The following MROH9 variants were observed in gnomAD, a reference collection of about 807,000 sequenced individuals.
MROH9 encodes maestro heat like repeat family member 9.
A neutral mutation model predicts 98.2 loss-of-function variants in MROH9; 92 were observed. The observed-to-expected ratio is 0.94, with a 90% CI of 0.79 to 1.11. The LOEUF (loss-of-function observed/expected upper bound fraction) is 1.11, where lower values mean the gene tolerates loss of function less well. Ranked by LOEUF, MROH9 falls within the 50% of genes most tolerant of loss-of-function variation. MROH9 has a pLI of 0.00. For missense variants in MROH9, 1,057 were observed against 1,014.8 expected (o/e 1.04, Z -0.57); for synonymous variants, 397 against 368.9 (o/e 1.08, Z -0.87).
At chr1:170,976,931 A>C (rs948810512) in intron 8 of MROH9, among the ~76,000 whole-genome samples, 1 of 151,974 alleles carries the variant, frequency 6.6e-6, no homozygotes, top group Non-Finnish European at 1.5e-5. Flanking sequence ...TCTTTCCTTT[A>C]CATTCTGGTT....
At chr1:170,972,640 C>A (rs1462424337) in intron 8 of MROH9, among the ~76,000 whole-genome samples, 1 of 146,166 alleles carries the variant, frequency 6.8e-6, no homozygotes, top group Admixed American at 6.6e-5. Context: ...GAAACCCCCT[C>A]TCTACTAAAA....
At chr1:171,023,461 A>C (rs16863949) in intron 17 of MROH9, among the ~76,000 whole-genome samples, 14,087 of 152,140 alleles carry the variant, frequency 0.093, 772 homozygotes, top group Middle Eastern at 0.17. Flanking sequence ...AATTATCTTC[A>C]AGTTATACAT....
At chr1:171,004,247 C>A (rs28876968) in intron 15 of MROH9, among the ~76,000 whole-genome samples, 21,180 of 152,150 alleles carry the variant, frequency 0.14, 1,650 homozygotes, top group African/African-American at 0.21. Context: ...CATGCCCTCC[C>A]CCGAGTTCTG....
intron 20 of MROH9, among the ~76,000 whole-genome samples, chr1:171,026,481 C>T (rs958803609): frequency 1.3e-5 from 2 of 150,334 alleles, no homozygotes; most frequent in African/African-American, 4.9e-5. Context: ...ACTATGTTTG[C>T]CAGGCTGGTC....
chr1:170,992,108 C>A, intron 11 of MROH9, 56 bp from the exon 12 acceptor site: 1 of 1,485,294 alleles, frequency 6.7e-7, no homozygotes, highest in South Asian at 1.4e-5. Context: ...GTTATTCTAT[C>A]AAGTAGGACA....
Position 170,986,719 on chromosome 1 carries a change from C to G in MROH9, c.879+9C>G. The G allele has an allele frequency of 6.2e-7, 1 of 1,612,542 alleles. No homozygotes were observed. The highest frequency in any genetic ancestry group is 8.5e-7 in the Non-Finnish European group (1 of 1,179,176). ...CCGAGAAGGTCACCATGGTAAGATA[C>G]TTGACAATAAGCAGGAGAGCACAGG... On this transcript the variant is annotated intron_variant, in intron 10 of 21. Coordinates refer to ENST00000367759, the MANE Select transcript of MROH9 (RefSeq NM_001163629.2).
At chr1:171,019,740 C>A (rs1652449917) in intron 17 of MROH9, among the ~76,000 whole-genome samples, 1 of 150,996 alleles carries the variant, frequency 6.6e-6, no homozygotes, top group African/African-American at 2.4e-5. Flanking sequence ...AATTCAAAAG[C>A]TAGCAGAAAA....
chr1:170,958,428 T>G lies in MROH9; in HGVS notation c.73-33T>G, dbSNP rs1411168386. On this transcript the variant is annotated intron_variant, in intron 3 of 21. Coordinates refer to ENST00000367759, the MANE Select transcript of MROH9 (RefSeq NM_001163629.2). ...TCACTGCTCTGTAATCATTAATTCTTCTTTTTTTTTTTTTTTTTAACATGG... is the reference window on the plus strand; with the variant it reads ...TCACTGCTCTGTAATCATTAATTCTGCTTTTTTTTTTTTTTTTTAACATGG... The G allele has an allele frequency of 4.7e-6, 6 of 1,284,334 alleles. No individual in the cohort carries two copies. The African/African-American group carries it at 7.7e-5, about 16-fold the overall frequency. 79.6% of individuals were successfully genotyped at this position (1,284,334 alleles called of 1,614,324 possible). A position where few individuals can be genotyped will look rare whatever the true frequency, so the allele number is the denominator to read the frequency against.
intron 20 of MROH9, among the ~76,000 whole-genome samples, chr1:171,045,232 C>A (rs1418788326): frequency 5.3e-5 from 8 of 151,644 alleles, no homozygotes; most frequent in Non-Finnish European, 1.5e-5. Context: ...GATCTCCTGA[C>A]CTCGTGATCC....
intron 7 of MROH9, among the ~76,000 whole-genome samples, chr1:170,966,638 A>C (rs1650245284): frequency 6.6e-6 from 1 of 152,232 alleles, no homozygotes; most frequent in Non-Finnish European, 1.5e-5. Context: ...TTGGAACATA[A>C]TACAATTTAC....
At chr1:170,997,519 G>A (rs1325710967) in intron 14 of MROH9, among the ~76,000 whole-genome samples, 1 of 152,132 alleles carries the variant, frequency 6.6e-6, no homozygotes, top group Non-Finnish European at 1.5e-5. Context: ...TCCCAAGGGT[G>A]ATCTGTTTGC....
At chr1:170,959,147 G>T (rs771927400) in intron 4 of MROH9, among the ~76,000 whole-genome samples, 88 of 152,138 alleles carry the variant, frequency 5.8e-4, no homozygotes, top group Non-Finnish European at 1.0e-3. Context: ...AGGCTGAGGC[G>T]GGCGGATCAT....
intron 1 of MROH9, among the ~76,000 whole-genome samples, chr1:170,935,982 C>CAAAAAAA (rs59883013): frequency 3.9e-4 from 24 of 62,262 alleles, no homozygotes; most frequent in African/African-American, 9.9e-4. Flanking sequence ...CAGAGTGAGA[C>CAAAAAAA]AAAAAAAAAA....
At chr1:171,047,163 C>G (rs1163792911) in intron 20 of MROH9, among the ~76,000 whole-genome samples, 4 of 152,092 alleles carry the variant, frequency 2.6e-5, no homozygotes, top group African/African-American at 9.7e-5. Context: ...TGGGTTAAAT[C>G]TACTTGGTAT....
chr1:171,016,489 C>CT (rs563443751), intron 17 of MROH9, among the ~76,000 whole-genome samples, 153 bp downstream of exon 17: 15,301 of 145,518 alleles, frequency 0.11, 861 homozygotes, highest in Middle Eastern at 0.19. Context: ...AAGTACTGGT[C>CT]TTTTTTTTTT....
chr1:170,940,457 T>C (rs1571431858), intron 1 of MROH9, among the ~76,000 whole-genome samples: 2 of 151,918 alleles, frequency 1.3e-5, no homozygotes, highest in African/African-American at 4.8e-5. Flanking sequence ...AGCTGGAGAG[T>C]TGACATGCCC....
chr1:171,025,497 A>ACATTT, intron 20 of MROH9, 77 bp downstream of exon 20: 1 of 990,380 alleles, frequency 1.0e-6, no homozygotes. Context: ...AGTCTTTCTT[A>ACATTT]CATTTTTTTT....
intron 1 of MROH9, among the ~76,000 whole-genome samples, chr1:170,936,119 C>G (rs61814149): frequency 6.6e-6 from 1 of 151,016 alleles, no homozygotes; most frequent in Non-Finnish European, 1.5e-5. Flanking sequence ...TCATGCCTTA[C>G]TAGTAAGGAT....
chr1:171,006,361 T>A (rs77933792), intron 15 of MROH9, among the ~76,000 whole-genome samples: 6,948 of 152,266 alleles, frequency 0.046, 229 homozygotes, highest in Non-Finnish European at 0.068. Context: ...TCTCTTTTTT[T>A]TACTTTTAAT....
Sources: allele counts gnomAD v4.1 joint callset (sites outside exome capture counted in the v4.1 genomes callset), GRCh38; gene constraint gnomAD v4.1.1; transcripts MANE v1.5; gene names NCBI Gene and HGNC (gene_info 2026-07-23, HGNC 2026-07-21).